ACACB: variants seen among roughly 807,000 people sequenced by gnomAD.
ACACB encodes the protein acetyl-CoA carboxylase 2.
Under a neutral mutation model 278.8 loss-of-function variants are expected in ACACB, and 209 were observed. The observed-to-expected ratio is 0.75, with a 90% CI of 0.67 to 0.84. ACACB has a LOEUF of 0.84. Ranked by LOEUF, ACACB falls within the 40% of genes least tolerant of loss-of-function variation. The probability of loss-of-function intolerance (pLI) is 0.00; values close to 1 mark genes in which losing one functional copy is unlikely to be tolerated. For missense variants in ACACB, 2,850 were observed against 3,269.0 expected, an observed-to-expected ratio of 0.87 and a Z score of 3.13; for synonymous variants, 1,174 against 1,285.6, an observed-to-expected ratio of 0.91 and a Z score of 1.86.
chr12:109,118,823 T>C (rs1259544672), intron 1 of ACACB, among the ~76,000 whole-genome samples: 1 of 152,206 alleles, frequency 6.6e-6, no homozygotes, highest in Admixed American at 6.5e-5. Flanking sequence ...TTAGAAATAT[T>C]GCATTTGATC....
chr12:109,206,535 G>T (rs941751473), intron 19 of ACACB, among the ~76,000 whole-genome samples, 175 bp from the exon 20 acceptor site: 1 of 151,970 alleles, frequency 6.6e-6, no homozygotes, highest in African/African-American at 2.4e-5. Flanking sequence ...AACCCACATT[G>T]GGGTGTGAGT....
At position 109,139,566 on chromosome 12, in the gene ACACB, C is replaced by T; in HGVS notation, c.161C>T (p.Ser54Leu). ...GAGCCCTTTCCAGCCTCTGATAACT[C>T]AGGGGAGACACCGCAGAGAAATGGG... ...SQEPFPASDN[S>L]GETPQRNGEG... The change falls in exon 2 of 53, where the codon TCA becomes TTA. Residue 54 changes from serine to leucine, a missense_variant. Ser to Leu is a moderately radical substitution (Grantham distance 145). Around this residue, in one of 3 missense-constraint regions of ACACB, gnomAD observed 2,265 missense variants for 2,561.3 expected, o/e 0.88. Transcript: ENST00000338432. 1 of 1,614,066 alleles carries T rather than the reference C, an allele frequency of 6.2e-7. No individual in the cohort carries two copies.
rs143742495 is a variant in ACACB, at chr12:109,193,196, T to A, written c.2400-452T>A. On this transcript the variant is annotated intron_variant, in intron 15 of 52. Transcript: ENST00000338432. ...CTCAGGGTGATTCAGGTTCTGTGCG[T>A]GACTTTTAATCAGATTTAGCCTTTT... Among the ~76,000 whole-genome samples the A allele has an allele frequency of 1.6e-3, 240 of 148,686 alleles. 1 individual carries two copies. The highest frequency in any genetic ancestry group is 5.6e-3 in the African/African-American group (227 of 40,378).
intron 3 of ACACB, among the ~76,000 whole-genome samples, chr12:109,167,654 T>TATATATATATCTATATATA (rs71079531): frequency 7.2e-6 from 1 of 138,750 alleles, no homozygotes; most frequent in African/African-American, 2.6e-5. Flanking sequence ...TATATATATA[T>TATATATATATCTATATATA]TTCAGACAAA....
chr12:109,146,433 G>C (rs1481031383), intron 2 of ACACB, among the ~76,000 whole-genome samples: 1 of 152,210 alleles, frequency 6.6e-6, no homozygotes, highest in Admixed American at 6.5e-5. Context: ...TTGGGAGGAA[G>C]CTCTTTCTGA....
chr12:109,159,428 G>A (rs978617037), intron 2 of ACACB, among the ~76,000 whole-genome samples: 9 of 152,210 alleles, frequency 5.9e-5, no homozygotes, highest in African/African-American at 1.2e-4. Context: ...TCCTGCAGAC[G>A]TACATGGTAG....
chr12:109,133,855 ATATATATATT>A (rs1478126629), intron 1 of ACACB, among the ~76,000 whole-genome samples: 58 of 49,722 alleles, frequency 1.2e-3, no homozygotes, highest in African/African-American at 5.2e-3. Flanking sequence ...ATATATATAT[ATATATATATT>A]TTTTTTTTTT....
At chr12:109,193,595 G>A in intron 15 of ACACB, 53 bp from the exon 16 acceptor site, 1 of 1,385,448 alleles carries the variant, frequency 7.2e-7, no homozygotes, top group East Asian at 2.3e-5. Flanking sequence ...AGGGATGGCT[G>A]TGGAGTTCTC....
At chr12:109,252,756 A>G (rs536665033) in intron 42 of ACACB, among the ~76,000 whole-genome samples, 1 of 152,336 alleles carries the variant, frequency 6.6e-6, no homozygotes, top group Non-Finnish European at 1.5e-5. Flanking sequence ...TCAAGGTAGA[A>G]GTCAGCTGCA....
intron 2 of ACACB, among the ~76,000 whole-genome samples, chr12:109,148,693 T>C (rs2136066357): frequency 6.6e-6 from 1 of 152,324 alleles, no homozygotes; most frequent in South Asian, 2.1e-4. Context: ...CCTGGGAATT[T>C]CAGATAAGGG....
chr12:109,214,394 G>A (rs2045934723), intron 22 of ACACB, among the ~76,000 whole-genome samples: 1 of 152,204 alleles, frequency 6.6e-6, no homozygotes, highest in South Asian at 2.1e-4. Context: ...TTTTCAAGGA[G>A]CTCCTCAGCT....
chr12:109,244,126 G>A (rs748710382), intron 37 of ACACB, among the ~76,000 whole-genome samples: 3 of 152,160 alleles, frequency 2.0e-5, no homozygotes, highest in Admixed American at 1.3e-4. Context: ...TACAAAGAAC[G>A]CAAACAAATT....
intron 2 of ACACB, among the ~76,000 whole-genome samples, chr12:109,151,904 CT>C (rs1228325690): frequency 6.6e-6 from 1 of 152,166 alleles, no homozygotes; most frequent in Non-Finnish European, 1.5e-5. Context: ...TTTGCAATCC[CT>C]TTTAATGGCA....
At chr12:109,183,918 T>G (rs1486547623) in intron 11 of ACACB, among the ~76,000 whole-genome samples, 1 of 152,112 alleles carries the variant, frequency 6.6e-6, no homozygotes, top group Non-Finnish European at 1.5e-5. Context: ...CTTTATTTTT[T>G]TTTCAGTTTG....
chr12:109,218,790 G>A lies in ACACB; in HGVS notation c.3564+1870G>A, dbSNP rs565809116. On this transcript the variant is annotated intron_variant, in intron 24 of 52. Transcript: ENST00000338432. ...ATCTATCTTTTTTTTTTTTTTTGAG[G>A]CAGAGTCTCACTCTATCCCCCAGGC... Among the ~76,000 whole-genome samples, 11 of 147,500 alleles carry A rather than the reference G, an allele frequency of 7.5e-5. No homozygotes were observed. The East Asian group carries it at 2.0e-3, about 27-fold the overall frequency.
chr12:109,185,764 T>G (rs772202198), intron 12 of ACACB, 24 bp downstream of exon 12: 3 of 1,592,950 alleles, frequency 1.9e-6, no homozygotes, highest in South Asian at 2.2e-5. Flanking sequence ...GCCCCTGTGT[T>G]TCCACCATCT....
intron 34 of ACACB, 78 bp downstream of exon 34, chr12:109,237,458 C>A: frequency 1.4e-6 from 2 of 1,432,244 alleles, no homozygotes; most frequent in Non-Finnish European, 1.9e-6. Context: ...GTGCTGGGTC[C>A]TGGGCTGCAT....
At chr12:109,120,522 G>A (rs1259430592) in intron 1 of ACACB, among the ~76,000 whole-genome samples, 1 of 152,114 alleles carries the variant, frequency 6.6e-6, no homozygotes, top group Non-Finnish European at 1.5e-5. Flanking sequence ...CTTGAGCAGG[G>A]GGCAAGGGGT....
intron 2 of ACACB, among the ~76,000 whole-genome samples, chr12:109,150,982 CTTTTT>C (rs201382181): frequency 0.18 from 24,788 of 137,198 alleles, 2,232 homozygotes; most frequent in East Asian, 0.26. Flanking sequence ...TTTTTTCTTT[CTTTTT>C]TTTTTTTTTG....
Sources: allele counts gnomAD v4.1 joint callset (sites outside exome capture counted in the v4.1 genomes callset), GRCh38; gene constraint gnomAD v4.1.1; regional missense constraint gnomAD v4.1.1; transcripts MANE v1.5; gene names NCBI Gene and HGNC (gene_info 2026-07-23, HGNC 2026-07-21).